The following BSND variants were observed in gnomAD, a reference collection of about 807,000 sequenced individuals.
BSND encodes barttin.
Under a neutral mutation model 18.8 loss-of-function variants are expected in BSND, and 13 were observed. The observed-to-expected ratio is 0.69, with a 90% CI of 0.45 to 1.10. The LOEUF is 1.10. Among genes scored for constraint, BSND ranks in the 50% least tolerant of loss-of-function variants. The probability of loss-of-function intolerance (pLI) is 0.00; values close to 1 mark genes in which losing one functional copy is unlikely to be tolerated. For synonymous variants in BSND, 170 were observed against 161.8 expected, an observed-to-expected ratio of 1.05 and a Z score of -0.39; for missense variants, 379 against 416.7, an observed-to-expected ratio of 0.91 and a Z score of 0.79.
chr1:55,004,997 G>A (rs376884499), intron 1 of BSND, 25 bp from the exon 2 acceptor site: 22 of 1,611,270 alleles, frequency 1.4e-5, no homozygotes, highest in South Asian at 3.3e-5. Context: ...CAACTGCACA[G>A]AGGCTGTCTC....
chr1:55,016,205 A>C lies in BSND; in HGVS notation c.*7577A>C, dbSNP rs1228538268. Reference sequence around the variant, plus strand: ...TAGGAACATGTCTGAAAGAGGTTACAGTTCCTAACGGAGAGAGAGAGACAG... The same window carrying C: ...TAGGAACATGTCTGAAAGAGGTTACCGTTCCTAACGGAGAGAGAGAGACAG... On this transcript the variant is annotated 3_prime_UTR_variant, in exon 4 of 4. Coordinates refer to ENST00000651561, the MANE Select transcript of BSND (RefSeq NM_057176.3). Among the ~76,000 whole-genome samples, 2 of 152,206 alleles carry C rather than the reference A, an allele frequency of 1.3e-5. No homozygotes were observed. Among genetic ancestry groups the C allele is most frequent in the Admixed American group, 6.5e-5 (1 of 15,284 alleles).
At position 54,998,965 on chromosome 1, in the gene BSND, G is replaced by T; in HGVS notation, c.-222G>T. On this transcript the variant is annotated 5_prime_UTR_variant, in exon 1 of 4. Coordinates refer to ENST00000651561, the MANE Select transcript of BSND (RefSeq NM_057176.3). ...AGGTGAGAGGGCAAGGAGTAAAGGT[G>T]GCTGGGTGTGGGTCCGTTGAAGCGA... The T allele has an allele frequency of 5.2e-6, 3 of 581,788 alleles. No individual in the cohort carries two copies. In the South Asian group the frequency reaches 6.1e-5, roughly 12 times the overall value. The allele number at this position is 581,788 out of a possible 1,614,324, so 36.0% of individuals were successfully genotyped here. A position where few individuals can be genotyped will look rare whatever the true frequency, so the allele number is the denominator to read the frequency against.
At position 55,005,060 on chromosome 1, in the gene BSND, C is replaced by A. The variant is rs755897497; in HGVS notation, c.216C>A (p.Ile72=). Residue 72 remains isoleucine, a synonymous_variant, in exon 2 of 4, where the codon ATC becomes ATA. Coordinates refer to ENST00000651561, the MANE Select transcript of BSND (RefSeq NM_057176.3). ...CTGCTGACTCTGACTTTCAAGGCATCCTCTCCCCAAAGGCCATGGGCCTGC... is the reference window on the plus strand; with the variant it reads ...CTGCTGACTCTGACTTTCAAGGCATACTCTCCCCAAAGGCCATGGGCCTGC... ...FVPADSDFQG[I]LSPKAMGLLE... The A allele has an allele frequency of 3.2e-5, 51 of 1,614,100 alleles. No homozygotes were observed. In the East Asian group the frequency reaches 1.1e-3, roughly 36 times the overall value.
intron 1 of BSND, among the ~76,000 whole-genome samples, chr1:55,001,518 A>C (rs1644361759): frequency 6.6e-6 from 1 of 152,222 alleles, no homozygotes; most frequent in East Asian, 1.9e-4. Context: ...CGCTGCCTGC[A>C]GTGCTCCTGC....
At chr1:55,003,201 C>T (rs1306144799) in intron 1 of BSND, among the ~76,000 whole-genome samples, 2 of 151,152 alleles carry the variant, frequency 1.3e-5, no homozygotes, top group African/African-American at 4.9e-5. Context: ...AAGCCCAGGC[C>T]CCTGCCTTAT....
At chr1:55,007,714 G>A (rs1415565316) in intron 3 of BSND, among the ~76,000 whole-genome samples, 2 of 151,950 alleles carry the variant, frequency 1.3e-5, no homozygotes, top group Non-Finnish European at 2.9e-5. Flanking sequence ...CTTGGGCAAG[G>A]CCCTCCCCAC....
At chr1:55,003,417 G>A (rs543470640) in intron 1 of BSND, among the ~76,000 whole-genome samples, 1 of 151,622 alleles carries the variant, frequency 6.6e-6, no homozygotes, top group Non-Finnish European at 1.5e-5. Flanking sequence ...TATTTTTTTT[G>A]TAGAGACAGC....
intron 1 of BSND, among the ~76,000 whole-genome samples, chr1:55,002,850 T>C (rs1644367743): frequency 1.8e-5 from 1 of 56,120 alleles, no homozygotes; most frequent in South Asian, 6.6e-4. Context: ...ATGGTAAAGA[T>C]GGTGATTATG....
In BSND at chr1:55,006,807, C is replaced by A. The variant is rs558702119; in HGVS notation, c.273-190C>A. Among the ~76,000 whole-genome samples, 172 of 152,228 alleles carry A rather than the reference C, an allele frequency of 1.1e-3. 1 individual carries two copies. Among genetic ancestry groups the A allele is most frequent in the Middle Eastern group, 6.8e-3 (2 of 294 alleles). The stretch of plus-strand genomic sequence containing the variant: ...AGTCAGACTTGGGGTCAGGCCTGAG[C>A]TTTGTCACTTAATTAACTCACCTTG... On this transcript the variant is annotated intron_variant, in intron 2 of 3. Transcript: ENST00000651561.
intron 1 of BSND, among the ~76,000 whole-genome samples, chr1:55,001,410 C>T (rs1353176088): frequency 6.6e-6 from 1 of 151,960 alleles, no homozygotes; most frequent in Non-Finnish European, 1.5e-5. Context: ...CAAATTGACT[C>T]CAATAAGGGA....
chr1:55,003,282 G>T (rs938952705), intron 1 of BSND, among the ~76,000 whole-genome samples: 9 of 152,108 alleles, frequency 5.9e-5, no homozygotes, highest in African/African-American at 2.2e-4. Flanking sequence ...GTGCAGAGGT[G>T]CAATCATAGC....
rs1296092693 is a variant in BSND at position 55,015,214 on chromosome 1, C to T, written c.*6586C>T. Among the ~76,000 whole-genome samples, 1 of 152,246 alleles carries T rather than the reference C, an allele frequency of 6.6e-6. No individual in the cohort carries two copies. The highest frequency in any genetic ancestry group is 2.4e-5 in the African/African-American group (1 of 41,466). Reference sequence around the variant, plus strand: ...TGTGCCCTGCGGCAGGGATTTCATTCTCAACCTGCCCTGTGAAAGGTTTTT... The same window carrying T: ...TGTGCCCTGCGGCAGGGATTTCATTTTCAACCTGCCCTGTGAAAGGTTTTT... On this transcript the variant is annotated 3_prime_UTR_variant, in exon 4 of 4. Transcript: ENST00000651561.
intron 1 of BSND, among the ~76,000 whole-genome samples, chr1:55,004,770 G>A (rs909825015): frequency 6.6e-6 from 1 of 152,178 alleles, no homozygotes; most frequent in African/African-American, 2.4e-5. Context: ...TAGTGCCTGC[G>A]ACAGTGCCTG....
rs780336269 is a variant in BSND at position 55,008,497 on chromosome 1, A to G, written c.832A>G (p.Lys278Glu). Residue 278 changes from lysine (K) to glutamate (E), a missense_variant, in exon 4 of 4, where the codon AAG (lysine) becomes GAG (glutamate). Lys to Glu is a moderately conservative substitution (Grantham distance 56). Transcript: ENST00000651561. ...GTACCCAAGGACAAAGGTGGAGGAG[A>G]AGGAGGCTTCGGACACAGGTGGGGA... is the stretch of plus-strand genomic sequence containing the variant. ...QRYPRTKVEEKEASDTGGEEP... is the reference protein window; with the variant it reads ...QRYPRTKVEEEEASDTGGEEP... 2 of 1,614,170 alleles carry G rather than the reference A, an allele frequency of 1.2e-6. No homozygotes were observed. Among genetic ancestry groups the G allele is most frequent in the South Asian group, 1.1e-5 (1 of 91,086 alleles).
rs769301646 is a variant in BSND at position 54,999,243 on chromosome 1, G to A, written c.57G>A (p.Leu19=). 23 of 1,614,052 alleles carry A rather than the reference G, an allele frequency of 1.4e-5. No homozygotes were observed. The highest frequency in any genetic ancestry group is 1.7e-5 in the Non-Finnish European group (20 of 1,180,018). The part of the protein sequence containing the change: ...IGFIVLGLFL[L]ALGTFLMSHD... ...TCATTGTGCTGGGGCTTTTCCTGCT[G>A]GCCCTCGGTACGTTCCTCATGAGCC... is the stretch of plus-strand genomic sequence containing the variant. Residue 19 remains leucine, a synonymous_variant, in exon 1 of 4, where the codon CTG becomes CTA. Transcript: ENST00000651561.
intron 1 of BSND, among the ~76,000 whole-genome samples, chr1:55,002,518 C>A (rs1279561684): frequency 6.6e-6 from 1 of 152,220 alleles, no homozygotes; most frequent in Non-Finnish European, 1.5e-5. Flanking sequence ...TCTGCCTAAA[C>A]ACAAATCTGA....
At position 55,008,630 on chromosome 1, in the gene BSND, A is replaced by G. The variant is rs1348391503; in HGVS notation, c.*2A>G. On this transcript the variant is annotated 3_prime_UTR_variant, in exon 4 of 4. Transcript: ENST00000651561. ...TTTGAGCCTGACACCCAAGGCTGAG[A>G]TGTTTGTGCTCCGTAGCTTCTAGTC... 1 of 1,613,850 alleles carries G rather than the reference A, an allele frequency of 6.2e-7. No individual in the cohort carries two copies. The highest frequency in any genetic ancestry group is 8.5e-7 in the Non-Finnish European group (1 of 1,180,020).
rs1420858659 is a variant in BSND at position 55,005,590 on chromosome 1, C to T, written c.272+474C>T. The stretch of plus-strand genomic sequence containing the variant: ...ATGGGGATACTAATAGTACCTATCT[C>T]CTAGGGCTTCAGGGAGGGTTAAGTG... On this transcript the variant is annotated intron_variant, in intron 2 of 3. Transcript: ENST00000651561. Among the ~76,000 whole-genome samples, 3 of 152,184 alleles carry T rather than the reference C, an allele frequency of 2.0e-5. No individual in the cohort carries two copies. The East Asian group carries it at 5.8e-4, about 29-fold the overall frequency.
intron 1 of BSND, among the ~76,000 whole-genome samples, chr1:55,002,225 C>A (rs570096895): frequency 6.6e-6 from 1 of 152,234 alleles, no homozygotes; most frequent in African/African-American, 2.4e-5. Context: ...CCCAGGTTAT[C>A]TTATTGAATT....
Sources: gnomAD v4.1 joint callset for allele counts (sites outside exome capture counted in the v4.1 genomes callset) on GRCh38, gnomAD v4.1.1 for gene constraint, MANE v1.5 for transcripts, NCBI Gene and HGNC (gene_info 2026-07-23, HGNC 2026-07-21) for gene names.